The following PCLO variants were observed in gnomAD, a reference collection of about 807,000 sequenced individuals.
The protein encoded by PCLO is piccolo presynaptic cytomatrix protein, also known as protein piccolo.
PCLO carries 82 observed loss-of-function variants against 427.5 expected under a neutral mutation model. The ratio of observed to expected loss-of-function variants is 0.19; its 90% CI spans 0.16 to 0.23. The LOEUF is 0.23. PCLO is among the 10% of genes least tolerant of loss of function. PCLO has a pLI of 1.00. For missense variants in PCLO, 6,239 were observed against 6,115.9 expected (o/e 1.02, Z -0.67); for synonymous variants, 2,357 against 2,155.4 (o/e 1.09, Z -2.59).
intron 6 of PCLO, among the ~76,000 whole-genome samples, chr7:82,947,495 T>C (rs1199067320): frequency 6.6e-6 from 1 of 152,186 alleles, no homozygotes; most frequent in Non-Finnish European, 1.5e-5. Context: ...TCAAAGTATG[T>C]CTAGACATTT....
intron 18 of PCLO, among the ~76,000 whole-genome samples, chr7:82,825,551 A>T (rs1182851913): frequency 6.6e-6 from 1 of 151,186 alleles, no homozygotes; most frequent in Non-Finnish European, 1.5e-5. Flanking sequence ...GATTTTTTGG[A>T]GATTATTTTT....
At chr7:83,093,226 T>C (rs935950429) in intron 3 of PCLO, among the ~76,000 whole-genome samples, 3 of 151,452 alleles carry the variant, frequency 2.0e-5, no homozygotes, top group Admixed American at 6.6e-5. Flanking sequence ...AATGTTTCCA[T>C]ATTCAAAATC....
At chr7:82,980,362 C>G (rs1231468836) in intron 3 of PCLO, among the ~76,000 whole-genome samples, 4 of 152,086 alleles carry the variant, frequency 2.6e-5, no homozygotes, top group Non-Finnish European at 5.9e-5. Context: ...CTGAAGCTCC[C>G]GGAACATATG....
At chr7:83,070,931 C>G (rs905954472) in intron 3 of PCLO, among the ~76,000 whole-genome samples, 1 of 152,144 alleles carries the variant, frequency 6.6e-6, no homozygotes, top group Non-Finnish European at 1.5e-5. Flanking sequence ...CCATTCTACT[C>G]ATCTCTTAAA....
At chr7:82,780,360 G>A (rs1458399961) in intron 22 of PCLO, among the ~76,000 whole-genome samples, 1 of 152,114 alleles carries the variant, frequency 6.6e-6, no homozygotes, top group East Asian at 1.9e-4. Context: ...TTGTTCTGTG[G>A]ACTAATTGCT....
At chr7:82,990,716 T>C (rs975577410) in intron 3 of PCLO, among the ~76,000 whole-genome samples, 6 of 152,266 alleles carry the variant, frequency 3.9e-5, no homozygotes, top group East Asian at 1.9e-4. Context: ...GGTGTTATGA[T>C]TGATTATATA....
At chr7:82,905,483 T>C (rs1794167045) in intron 8 of PCLO, among the ~76,000 whole-genome samples, 1 of 151,832 alleles carries the variant, frequency 6.6e-6, no homozygotes, top group Admixed American at 6.6e-5. Context: ...ATATATAACA[T>C]GGTAGTTGGA....
intron 3 of PCLO, among the ~76,000 whole-genome samples, chr7:82,988,197 T>TA (rs1162768657): frequency 6.6e-6 from 1 of 151,950 alleles, no homozygotes; most frequent in Non-Finnish European, 1.5e-5. Context: ...CTTTCTTTTT[T>TA]AAAAAAAATT....
At chr7:82,775,556 CTT>C (rs1790732139) in intron 22 of PCLO, among the ~76,000 whole-genome samples, 1 of 152,106 alleles carries the variant, frequency 6.6e-6, no homozygotes, top group Non-Finnish European at 1.5e-5. Context: ...CTGTTAAGGT[CTT>C]TGGCTCATTT....
At chr7:83,106,324 A>G (rs1395407492) in intron 3 of PCLO, among the ~76,000 whole-genome samples, 1 of 152,172 alleles carries the variant, frequency 6.6e-6, no homozygotes, top group Non-Finnish European at 1.5e-5. Context: ...CCTATGGAGC[A>G]TTATCCTCAG....
chr7:82,825,108 A>G (rs1791902791), intron 18 of PCLO, among the ~76,000 whole-genome samples: 1 of 152,202 alleles, frequency 6.6e-6, no homozygotes. Flanking sequence ...CTATTTTAAA[A>G]CATACTTTAG....
chr7:83,101,189 TAATC>T (rs1790729137), intron 3 of PCLO, among the ~76,000 whole-genome samples: 1 of 151,840 alleles, frequency 6.6e-6, no homozygotes, highest in South Asian at 2.1e-4. Context: ...AAAAGGAACA[TAATC>T]AATTTCAAAT....
chr7:82,952,545 C>A lies in PCLO; in HGVS notation c.8408G>T (p.Ser2803Ile), dbSNP rs1180703247. 4 of 1,613,924 alleles carry A rather than the reference C, an allele frequency of 2.5e-6. No homozygotes were observed. Among genetic ancestry groups the A allele is most frequent in the Non-Finnish European group, 3.4e-6 (4 of 1,179,852 alleles). Residue 2803 changes from serine (S) to isoleucine (I), a missense_variant, in exon 5 of 25, where the codon AGT (serine) becomes ATT (isoleucine). Transcript: ENST00000333891. Reference sequence around the variant, plus strand: ...TTCTGTGCCTGTAGTGTAACTTGCACTAGCTGTGCATGTGACAAAGGTCAC... The same window carrying A: ...TTCTGTGCCTGTAGTGTAACTTGCAATAGCTGTGCATGTGACAAAGGTCAC... ...ETVTFVTCTASASYTTGTESL... is the reference protein window; with the variant it reads ...ETVTFVTCTAIASYTTGTESL...
rs148714530 is a variant in PCLO at position 83,076,860 on chromosome 7, T to C, written c.3300+57390A>G. ...ATCCAATAATCAGCTCTTAAACCTC[T>C]ATTTATTCTAGATATAATAAGGTAT... On this transcript the variant is annotated intron_variant, in intron 3 of 24. Transcript: ENST00000333891. Among the ~76,000 whole-genome samples the C allele has an allele frequency of 5.5e-4, 83 of 152,008 alleles. 1 individual carries two copies. Among genetic ancestry groups the C allele is most frequent in the African/African-American group, 2.0e-3 (82 of 41,484 alleles).
At chr7:82,884,549 T>G (rs1181018929) in intron 9 of PCLO, among the ~76,000 whole-genome samples, 1 of 152,226 alleles carries the variant, frequency 6.6e-6, no homozygotes, top group African/African-American at 2.4e-5. Context: ...TTTCTTCATT[T>G]TAGCTTATAT....
intron 3 of PCLO, among the ~76,000 whole-genome samples, chr7:83,074,126 C>G (rs1031357545): frequency 1.3e-5 from 2 of 151,906 alleles, no homozygotes; most frequent in Non-Finnish European, 2.9e-5. Flanking sequence ...CAAGACAACT[C>G]ATTATTAAAA....
At chr7:83,030,884 C>G (rs1050345422) in intron 3 of PCLO, among the ~76,000 whole-genome samples, 25 of 152,252 alleles carry the variant, frequency 1.6e-4, no homozygotes, top group African/African-American at 5.8e-4. Context: ...CAAACAATCA[C>G]TTTTTTATCG....
In PCLO at chr7:82,956,425, A is replaced by G; in HGVS notation, c.4528T>C (p.Tyr1510His). The change falls in exon 5 of 25, where the codon TAT (tyrosine) becomes CAT (histidine). Residue 1510 changes from tyrosine (Y) to histidine (H), a missense_variant. By Grantham distance (83) the Tyr-to-His change is moderately conservative (BLOSUM62 2). This residue lies in a region of PCLO where 4,677 missense variants were observed against 4,468.4 expected (regional missense o/e 1.05). Coordinates refer to ENST00000333891, the MANE Select transcript of PCLO (RefSeq NM_033026.6). ...VDDITTRREP[Y>H]DSVEESSESE... is the part of the protein sequence containing the mutation. Reference sequence around the variant, plus strand: ...TCACTACTCTCTTCAACTGAATCATAAGGCTCTCTTCTAGTAGTTATGTCA... The same window carrying G: ...TCACTACTCTCTTCAACTGAATCATGAGGCTCTCTTCTAGTAGTTATGTCA... 1 of 1,613,766 alleles carries G rather than the reference A, an allele frequency of 6.2e-7. No homozygotes were observed. The highest frequency in any genetic ancestry group is 1.1e-5 in the South Asian group (1 of 91,070).
Position 83,134,687 on chromosome 7 carries a change from G to C in PCLO, c.2863C>G (p.His955Asp). The C allele has an allele frequency of 6.2e-7, 1 of 1,613,786 alleles. No individual in the cohort carries two copies. Among genetic ancestry groups the C allele is most frequent in the East Asian group, 2.2e-5 (1 of 44,854 alleles). Residue 955 changes from histidine to aspartate, a missense_variant, in exon 3 of 25, where the codon CAT becomes GAT. Around this residue, in one of 5 missense-constraint regions of PCLO, gnomAD observed 4,677 missense variants for 4,468.4 expected, o/e 1.05. Coordinates refer to ENST00000333891, the MANE Select transcript of PCLO (RefSeq NM_033026.6). ...LISTAGQPGP[H>D]SQSGPGAPMK... is the part of the protein sequence containing the mutation. ...GGGGCCCCTGGTCCACTTTGTGAAT[G>C]AGGTCCAGGTTGGCCTGCAGTGGAA...
Sources: gnomAD v4.1 joint callset for allele counts (sites outside exome capture counted in the v4.1 genomes callset) on GRCh38, gnomAD v4.1.1 for gene constraint, gnomAD v4.1.1 regional missense constraint, MANE v1.5 for transcripts, NCBI Gene and HGNC (gene_info 2026-07-23, HGNC 2026-07-21) for gene names.